The following PPP3R1 variants were observed in gnomAD, a reference collection of about 807,000 sequenced individuals.
PPP3R1 encodes the protein protein phosphatase 3 regulatory subunit B, alpha.
In PPP3R1, 5 loss-of-function variants were observed where a neutral mutation model predicts 22.6. That is an observed-to-expected ratio of 0.22 (90% confidence interval 0.12 to 0.46). The LOEUF (loss-of-function observed/expected upper bound fraction) is 0.46, where lower values mean the gene tolerates loss of function less well. Ranked by LOEUF, PPP3R1 falls within the 20% of genes least tolerant of loss-of-function variation. PPP3R1 has a pLI of 0.99. For synonymous variants in PPP3R1, 56 were observed against 65.2 expected (o/e 0.86, Z 0.68); for missense variants, 61 against 203.2 (o/e 0.30, Z 4.25).
At chr2:68,235,647 ATGT>A (rs1162750673) in intron 1 of PPP3R1, among the ~76,000 whole-genome samples, 2 of 152,168 alleles carry the variant, frequency 1.3e-5, no homozygotes, top group Admixed American at 6.5e-5. Context: ...ATTATGAATA[ATGT>A]TATTATGAAC....
At chr2:68,207,526 C>G (rs1169526175) in intron 2 of PPP3R1, among the ~76,000 whole-genome samples, 2 of 152,226 alleles carry the variant, frequency 1.3e-5, no homozygotes, top group Non-Finnish European at 2.9e-5. Flanking sequence ...TAAGGAACAT[C>G]TATCTGCCTT....
chr2:68,214,939 T>C (rs953939669), intron 2 of PPP3R1, among the ~76,000 whole-genome samples: 22 of 152,152 alleles, frequency 1.4e-4, no homozygotes, highest in African/African-American at 4.6e-4. Context: ...ATATACACCA[T>C]GGTATACTAC....
intron 5 of PPP3R1, among the ~76,000 whole-genome samples, chr2:68,186,117 T>C (rs1000225340): frequency 3.9e-5 from 6 of 152,208 alleles, no homozygotes; most frequent in Admixed American, 2.6e-4. Flanking sequence ...CAGTTTAAAA[T>C]CCTTGTAACA....
intron 2 of PPP3R1, among the ~76,000 whole-genome samples, chr2:68,189,100 G>A (rs868679639): frequency 2.0e-5 from 3 of 152,090 alleles, no homozygotes; most frequent in East Asian, 1.9e-4. Context: ...TCTGTAAACC[G>A]AAGTACTTTC....
chr2:68,219,211 C>A (rs543373047), intron 1 of PPP3R1, among the ~76,000 whole-genome samples: 1 of 152,324 alleles, frequency 6.6e-6, no homozygotes, highest in South Asian at 2.1e-4. Context: ...CTATCCTACA[C>A]TCCCCACTTT....
intron 2 of PPP3R1, among the ~76,000 whole-genome samples, chr2:68,190,431 G>C (rs1674640409): frequency 6.6e-6 from 1 of 152,068 alleles, no homozygotes; most frequent in South Asian, 2.1e-4. Flanking sequence ...CGGGAGTGAT[G>C]GCAGGGCGCC....
At chr2:68,220,743 A>G (rs1230421573) in intron 1 of PPP3R1, among the ~76,000 whole-genome samples, 1 of 152,220 alleles carries the variant, frequency 6.6e-6, no homozygotes, top group Non-Finnish European at 1.5e-5. Context: ...ATGGTAAGTA[A>G]AAGAAGCCAA....
At chr2:68,212,562 G>A (rs990517732) in intron 2 of PPP3R1, among the ~76,000 whole-genome samples, 1 of 152,186 alleles carries the variant, frequency 6.6e-6, no homozygotes, top group Non-Finnish European at 1.5e-5. Context: ...TACTCTCTAT[G>A]TACATTTCCA....
At chr2:68,194,718 T>A (rs761822750) in intron 2 of PPP3R1, among the ~76,000 whole-genome samples, 2 of 152,124 alleles carry the variant, frequency 1.3e-5, no homozygotes, top group African/African-American at 2.4e-5. Context: ...GTGAACTGTT[T>A]TAGGTGATGC....
intron 1 of PPP3R1, among the ~76,000 whole-genome samples, chr2:68,251,857 T>TG (rs1399359320): frequency 5.7e-5 from 2 of 35,008 alleles, no homozygotes; most frequent in Non-Finnish European, 1.1e-4. Context: ...GGCGCGGGGG[T>TG]GGGGCGACGG....
intron 1 of PPP3R1, among the ~76,000 whole-genome samples, chr2:68,236,189 C>T (rs6546362): frequency 0.74 from 113,236 of 152,086 alleles, 43,192 homozygotes; most frequent in African/African-American, 0.93. Flanking sequence ...ATACAATTTA[C>T]CTTTTTTTTC....
intron 2 of PPP3R1, among the ~76,000 whole-genome samples, chr2:68,189,447 G>A (rs568080546): frequency 1.3e-5 from 2 of 152,226 alleles, no homozygotes; most frequent in East Asian, 3.9e-4. Flanking sequence ...ATAAATTCTT[G>A]AAACAACAGG....
intron 2 of PPP3R1, among the ~76,000 whole-genome samples, chr2:68,210,619 A>G (rs778075296): frequency 6.6e-6 from 1 of 152,180 alleles, no homozygotes; most frequent in Non-Finnish European, 1.5e-5. Context: ...TCGAGGGTTC[A>G]ACAGACAAAA....
At chr2:68,227,933 C>T (rs766673541) in intron 1 of PPP3R1, among the ~76,000 whole-genome samples, 2 of 152,134 alleles carry the variant, frequency 1.3e-5, no homozygotes, top group Non-Finnish European at 2.9e-5. Context: ...CGTTTTTCTT[C>T]TTTCCAATCT....
intron 2 of PPP3R1, among the ~76,000 whole-genome samples, chr2:68,212,334 G>A (rs1669502417): frequency 6.6e-6 from 1 of 152,204 alleles, no homozygotes; most frequent in Non-Finnish European, 1.5e-5. Context: ...ACCTACCTTG[G>A]CCTCCGAAAG....
Position 68,243,293 on chromosome 2 carries a change from T to A in PPP3R1, c.3+8832A>T, listed in dbSNP as rs12465425. Among the ~76,000 whole-genome samples the A allele has an allele frequency of 3.9e-5, 6 of 152,082 alleles. No individual in the cohort carries two copies. The East Asian group carries it at 9.7e-4, about 24-fold the overall frequency. ...CCCAGGAATACATTTATCAAAATGTTATTCCTGCGCCAGACCTATAAATTA... is the reference window on the plus strand; with the variant it reads ...CCCAGGAATACATTTATCAAAATGTAATTCCTGCGCCAGACCTATAAATTA... On this transcript the variant is annotated intron_variant, in intron 1 of 5. Coordinates refer to ENST00000234310, the MANE Select transcript of PPP3R1 (RefSeq NM_000945.4).
chr2:68,237,485 G>A (rs116004243), intron 1 of PPP3R1, among the ~76,000 whole-genome samples: 1 of 152,052 alleles, frequency 6.6e-6, no homozygotes, highest in Non-Finnish European at 1.5e-5. Flanking sequence ...TTACTGATAA[G>A]CAATGTAATC....
intron 1 of PPP3R1, among the ~76,000 whole-genome samples, chr2:68,221,013 C>G (rs1016069406): frequency 6.6e-6 from 1 of 152,086 alleles, no homozygotes; most frequent in Non-Finnish European, 1.5e-5. Context: ...GCCTGGGCAA[C>G]ATGGCAAAAC....
At position 68,179,012 on chromosome 2, in the gene PPP3R1, A is replaced by AAGAAG. The variant is rs1553403038; in HGVS notation, c.*1950_*1951insCTTCT. Reference sequence around the variant, plus strand: ...ACACAAACTAAAAAAAAAAAAAAAAAAAAAGAAAAAGAAAAAACCCTCATT... The same window carrying AAGAAG: ...ACACAAACTAAAAAAAAAAAAAAAAAAGAAGAAAAGAAAAAGAAAAAACCCTCATT... On this transcript the variant is annotated 3_prime_UTR_variant, in exon 6 of 6. Coordinates refer to ENST00000234310, the MANE Select transcript of PPP3R1 (RefSeq NM_000945.4). The AAGAAG allele has an allele frequency of 3.3e-5, 5 of 151,244 alleles. No homozygotes were observed. Among genetic ancestry groups the AAGAAG allele is most frequent in the Non-Finnish European group, 3.0e-5 (2 of 67,732 alleles). The allele number at this position is 151,244 out of a possible 1,614,324, so 9.4% of individuals were successfully genotyped here. A position where few individuals can be genotyped will look rare whatever the true frequency, so the allele number is the denominator to read the frequency against.
Sources: gnomAD v4.1 joint callset for allele counts (sites outside exome capture counted in the v4.1 genomes callset) on GRCh38, gnomAD v4.1.1 for gene constraint, MANE v1.5 for transcripts, NCBI Gene and HGNC (gene_info 2026-07-23, HGNC 2026-07-21) for gene names.